STXBP5L: variants seen among roughly 807,000 people sequenced by gnomAD.
STXBP5L encodes syntaxin-binding protein 5-like.
In STXBP5L, 65 loss-of-function variants were observed where a neutral mutation model predicts 144.5. The observed-to-expected ratio is 0.45, with a 90% CI of 0.37 to 0.55. STXBP5L has a LOEUF of 0.55. Among genes scored for constraint, STXBP5L ranks in the 20% least tolerant of loss-of-function variants. STXBP5L has a pLI of 0.00. For missense variants in STXBP5L, 1,298 were observed against 1,405.5 expected, an observed-to-expected ratio of 0.92 and a Z score of 1.22; for synonymous variants, 505 against 469.6, an observed-to-expected ratio of 1.08 and a Z score of -0.97.
intron 3 of STXBP5L, among the ~76,000 whole-genome samples, chr3:120,978,074 G>C (rs898026552): frequency 3.9e-5 from 6 of 152,132 alleles, no homozygotes; most frequent in Non-Finnish European, 1.5e-5. Context: ...TGTATTTCCT[G>C]AATGTGAATG....
At chr3:121,094,840 G>A (rs530021643) in intron 5 of STXBP5L, among the ~76,000 whole-genome samples, 104 of 151,766 alleles carry the variant, frequency 6.9e-4, no homozygotes, top group African/African-American at 2.4e-3. Context: ...TATTTTGCTC[G>A]TTAGTTGATG....
intron 22 of STXBP5L, among the ~76,000 whole-genome samples, chr3:121,400,995 C>T (rs1429484407): frequency 1.3e-5 from 2 of 152,160 alleles, no homozygotes; most frequent in Non-Finnish European, 1.5e-5. Flanking sequence ...TTATAATTTG[C>T]AACCTTCAAT....
intron 3 of STXBP5L, among the ~76,000 whole-genome samples, chr3:120,962,363 C>A (rs1342093931): frequency 1.3e-5 from 2 of 152,174 alleles, no homozygotes; most frequent in Non-Finnish European, 2.9e-5. Flanking sequence ...TGCCTATATC[C>A]TGAATGGTAT....
rs564011961 is a variant in STXBP5L at position 121,272,485 on chromosome 3, A to G, written c.1959-7320A>G. Among the ~76,000 whole-genome samples, 17 of 152,284 alleles carry G rather than the reference A, an allele frequency of 1.1e-4. No homozygotes were observed. The East Asian group carries it at 3.3e-3, about 29-fold the overall frequency. ...TCCATTTTTATAGAAATTCATGTTC[A>G]TCCCTTCACTTTCAGCCTATGTGTA... On this transcript the variant is annotated intron_variant, in intron 18 of 26. Transcript: ENST00000471454.
At chr3:121,134,491 G>A (rs531138478) in intron 7 of STXBP5L, among the ~76,000 whole-genome samples, 4 of 152,050 alleles carry the variant, frequency 2.6e-5, no homozygotes, top group Admixed American at 2.6e-4. Context: ...TGCCATGTTG[G>A]TGTGCTGCAC....
At chr3:121,280,990 A>G (rs1275463907) in intron 19 of STXBP5L, among the ~76,000 whole-genome samples, 6 of 151,328 alleles carry the variant, frequency 4.0e-5, no homozygotes, top group Admixed American at 4.0e-4. Context: ...TATTTAAAAT[A>G]ATTTATTGAA....
intron 3 of STXBP5L, among the ~76,000 whole-genome samples, chr3:121,023,909 C>T (rs1444769750): frequency 6.6e-6 from 1 of 152,032 alleles, no homozygotes; most frequent in Non-Finnish European, 1.5e-5. Flanking sequence ...GTGCCCACCA[C>T]CACCCCCAGC....
intron 10 of STXBP5L, among the ~76,000 whole-genome samples, chr3:121,212,216 T>C (rs1340785880): frequency 1.3e-5 from 2 of 152,234 alleles, no homozygotes; most frequent in African/African-American, 2.4e-5. Context: ...ATCTTTACTT[T>C]AATTAGATCC....
In STXBP5L at chr3:121,381,443, C is replaced by A. The variant is rs1314501928; in HGVS notation, c.2498C>A (p.Thr833Asn). ...STISPCLFVG[T>N]SLGMVLIISL... ...ATCTCTCCTTGTCTGTTCGTTGGAA[C>A]CAGTCTGGGAATGGTGTTAATCATC... The change falls in exon 22 of 27, where the codon ACC becomes AAC. Residue 833 changes from threonine to asparagine, a missense_variant. Transcript: ENST00000471454. 1.2e-6 allele frequency: 2 copies of A among 1,603,898 alleles called. No homozygotes were observed. The highest frequency in any genetic ancestry group is 1.1e-5 in the South Asian group (1 of 88,992).
rs1374012459 is a variant in STXBP5L at position 121,420,156 on chromosome 3, T to C, written c.*1059T>C. ...ACCAAACTGGTCATTCTCTTTAGTG[T>C]GATTCAGTAAAATCTCAGTTAATGT... On this transcript the variant is annotated 3_prime_UTR_variant, in exon 27 of 27. Coordinates refer to ENST00000471454, the MANE Select transcript of STXBP5L (RefSeq NM_001308330.2). 6.6e-6 allele frequency: 1 copy of C among 152,212 alleles called. No individual in the cohort carries two copies. The highest frequency in any genetic ancestry group is 1.5e-5 in the Non-Finnish European group (1 of 68,034). 9.4% of individuals were successfully genotyped at this position (152,212 alleles called of 1,614,324 possible). A position where few individuals can be genotyped will look rare whatever the true frequency, so the allele number is the denominator to read the frequency against.
chr3:120,990,683 A>T (rs1942757754), intron 3 of STXBP5L, among the ~76,000 whole-genome samples: 1 of 152,238 alleles, frequency 6.6e-6, no homozygotes, highest in Non-Finnish European at 1.5e-5. Flanking sequence ...CCGGATATTT[A>T]CAACTATCTG....
chr3:121,341,421 A>G (rs528560774), intron 20 of STXBP5L, among the ~76,000 whole-genome samples: 2 of 152,246 alleles, frequency 1.3e-5, no homozygotes, highest in East Asian at 3.9e-4. Flanking sequence ...GTTGGTGGGA[A>G]TGTAAATTAG....
At chr3:121,162,319 G>T (rs1432531464) in intron 9 of STXBP5L, among the ~76,000 whole-genome samples, 1 of 152,120 alleles carries the variant, frequency 6.6e-6, no homozygotes, top group South Asian at 2.1e-4. Flanking sequence ...GTGCAATGGG[G>T]AAAGGGTTCC....
At chr3:120,964,394 T>G (rs1939288678) in intron 3 of STXBP5L, among the ~76,000 whole-genome samples, 1 of 152,342 alleles carries the variant, frequency 6.6e-6, no homozygotes, top group African/African-American at 2.4e-5. Context: ...CTTTCCTTCC[T>G]TCTCTTGTGG....
chr3:120,952,184 T>G (rs538153988), intron 2 of STXBP5L, among the ~76,000 whole-genome samples: 1 of 151,584 alleles, frequency 6.6e-6, no homozygotes, highest in Non-Finnish European at 1.5e-5. Context: ...AGGGATAGCA[T>G]TGGGAGATAT....
intron 5 of STXBP5L, among the ~76,000 whole-genome samples, chr3:121,106,925 T>C (rs1037733686): frequency 1.3e-5 from 2 of 152,352 alleles, no homozygotes; most frequent in African/African-American, 2.4e-5. Flanking sequence ...GACTTTTTAA[T>C]GATCACCATT....
At chr3:121,235,846 C>T (rs199805468) in intron 12 of STXBP5L, among the ~76,000 whole-genome samples, 6,295 of 133,974 alleles carry the variant, frequency 0.047, 324 homozygotes, top group African/African-American at 0.13. Context: ...CACACATACA[C>T]ACACACACAC....
At chr3:121,251,006 C>A (rs2050009725) in intron 15 of STXBP5L, among the ~76,000 whole-genome samples, 1 of 152,132 alleles carries the variant, frequency 6.6e-6, no homozygotes, top group Non-Finnish European at 1.5e-5. Flanking sequence ...CCCATTATAT[C>A]TACAAGAGGC....
At chr3:120,994,043 T>G (rs1431150697) in intron 3 of STXBP5L, among the ~76,000 whole-genome samples, 3 of 152,196 alleles carry the variant, frequency 2.0e-5, no homozygotes, top group Non-Finnish European at 2.9e-5. Flanking sequence ...CTTTTTATTT[T>G]TGTGACTGTT....
Sources: allele counts gnomAD v4.1 joint callset (sites outside exome capture counted in the v4.1 genomes callset), GRCh38; gene constraint gnomAD v4.1.1; transcripts MANE v1.5; gene names NCBI Gene and HGNC (gene_info 2026-07-23, HGNC 2026-07-21).